Variants in CDC37L1 observed in about 807,000 individuals in gnomAD.
The protein encoded by CDC37L1 is cell division cycle 37 like 1, HSP90 cochaperone.
A neutral mutation model predicts 45.9 loss-of-function variants in CDC37L1; 32 were observed. The observed-to-expected ratio is 0.70, with a 90% CI of 0.53 to 0.94. CDC37L1 has a LOEUF of 0.94. Ranked by LOEUF, CDC37L1 falls within the 40% of genes least tolerant of loss-of-function variation. The pLI, the probability that CDC37L1 is intolerant of heterozygous loss-of-function variation, is 0.00. For missense variants in CDC37L1, 434 were observed against 405.7 expected, an observed-to-expected ratio of 1.07 and a Z score of -0.60; for synonymous variants, 150 against 133.0, an observed-to-expected ratio of 1.13 and a Z score of -0.88.
chr9:4,696,569 T>G (rs1841350063), intron 3 of CDC37L1, among the ~76,000 whole-genome samples: 1 of 152,144 alleles, frequency 6.6e-6, no homozygotes, highest in Non-Finnish European at 1.5e-5. Context: ...AACACTTTGC[T>G]GGTTCCGTGA....
Position 4,679,762 on chromosome 9 carries a change from C to T in CDC37L1, c.-6C>T, listed in dbSNP as rs1841168571. ...AGGGCGGTTGTAGGACCCGGAGCAG[C>T]CGGACATGGAACAACCGTGGCCGCC... On this transcript the variant is annotated 5_prime_UTR_variant, in exon 1 of 7. Transcript: ENST00000381854. 1 of 1,609,772 alleles carries T rather than the reference C, an allele frequency of 6.2e-7. No homozygotes were observed. Among genetic ancestry groups the T allele is most frequent in the African/African-American group, 1.3e-5 (1 of 74,856 alleles).
At position 4,701,096 on chromosome 9, in the gene CDC37L1, T is replaced by TA. The variant is rs1222685686; in HGVS notation, c.748-766dup. On this transcript the variant is annotated intron_variant, in intron 5 of 6. Coordinates refer to ENST00000381854, the MANE Select transcript of CDC37L1 (RefSeq NM_017913.4). ...ATGGTAGTAACTAATCCACAGGTTT[T>TA]AACCTGTTACGCAACCTAAAATCCA... Among the ~76,000 whole-genome samples the TA allele has an allele frequency of 2.0e-5, 3 of 152,260 alleles. No homozygotes were observed. In the East Asian group the frequency reaches 5.8e-4, roughly 29 times the overall value.
chr9:4,688,200 A>G (rs527873939), intron 2 of CDC37L1, among the ~76,000 whole-genome samples: 5 of 152,230 alleles, frequency 3.3e-5, no homozygotes, highest in South Asian at 4.1e-4. Flanking sequence ...GGGTTTCACT[A>G]TGTTGGCCAG....
intron 2 of CDC37L1, among the ~76,000 whole-genome samples, chr9:4,687,144 C>T (rs1349449835): frequency 2.6e-5 from 4 of 151,550 alleles, no homozygotes; most frequent in African/African-American, 7.3e-5. Context: ...TGAGTGCTTC[C>T]TGATTATAAA....
chr9:4,707,376 C>G lies in CDC37L1; in HGVS notation c.*1264C>G, dbSNP rs530651902. On this transcript the variant is annotated 3_prime_UTR_variant, in exon 7 of 7. Transcript: ENST00000381854. ...TGGGTGTAGTCTTTGGCTAAGTACCCATTAAGGCTAGTAGCAAACACTTGG... is the reference window on the plus strand; with the variant it reads ...TGGGTGTAGTCTTTGGCTAAGTACCGATTAAGGCTAGTAGCAAACACTTGG... The G allele has an allele frequency of 6.6e-6, 1 of 152,084 alleles. No individual in the cohort carries two copies. Among genetic ancestry groups the G allele is most frequent in the South Asian group, 2.1e-4 (1 of 4,830 alleles). 9.4% of individuals were successfully genotyped at this position (152,084 alleles called of 1,614,324 possible).
intron 3 of CDC37L1, among the ~76,000 whole-genome samples, chr9:4,693,000 A>G (rs1841315314): frequency 6.6e-6 from 1 of 152,230 alleles, no homozygotes; most frequent in South Asian, 2.1e-4. Flanking sequence ...GTAGAAATGC[A>G]TATGGTGGTA....
In CDC37L1 at chr9:4,679,593, G is replaced by C; in HGVS notation, c.-175G>C. ...TCTTCCGCCGTCCGCCGGTGGCGAG[G>C]CCCAGGCTGTCGCCGGGTGTGCAGC... On this transcript the variant is annotated 5_prime_UTR_variant, in exon 1 of 7. Transcript: ENST00000381854. The C allele has an allele frequency of 1.8e-6, 1 of 561,006 alleles. No individual in the cohort carries two copies. The highest frequency in any genetic ancestry group is 3.1e-6 in the Non-Finnish European group (1 of 321,316). The allele number at this position is 561,006 out of a possible 1,614,324, so 34.8% of individuals were successfully genotyped here.
chr9:4,701,237 G>A (rs1841393212), intron 5 of CDC37L1, among the ~76,000 whole-genome samples: 1 of 152,160 alleles, frequency 6.6e-6, no homozygotes, highest in Admixed American at 6.5e-5. Flanking sequence ...GCTGCCAATA[G>A]GGAGTTGCCT....
At chr9:4,685,652 T>G (rs140042364) in intron 2 of CDC37L1, among the ~76,000 whole-genome samples, 2 of 152,294 alleles carry the variant, frequency 1.3e-5, no homozygotes, top group African/African-American at 4.8e-5. Context: ...GATTGAGAGA[T>G]AAGATAAAGA....
intron 6 of CDC37L1, 148 bp downstream of exon 6, chr9:4,702,176 C>G: frequency 2.2e-6 from 1 of 453,166 alleles, no homozygotes; most frequent in African/African-American, 2.1e-5. Flanking sequence ...TACTTCATGC[C>G]ATGTTTTGGT....
chr9:4,689,323 CT>C (rs78778632), intron 3 of CDC37L1, among the ~76,000 whole-genome samples: 728 of 144,068 alleles, frequency 5.1e-3, no homozygotes, highest in South Asian at 0.016. Flanking sequence ...AGGTTTAAAA[CT>C]TTTTTTTTTT....
chr9:4,704,759 G>T (rs773557509), intron 6 of CDC37L1, among the ~76,000 whole-genome samples: 5 of 152,026 alleles, frequency 3.3e-5, no homozygotes, highest in African/African-American at 1.2e-4. Context: ...GACAGCAATC[G>T]TGTGAAATAA....
chr9:4,696,816 T>C (rs1841352008), intron 3 of CDC37L1, among the ~76,000 whole-genome samples: 1 of 152,266 alleles, frequency 6.6e-6, no homozygotes, highest in South Asian at 2.1e-4. Context: ...TAGGACTTTT[T>C]AATATTGAAC....
In CDC37L1 at chr9:4,701,225, C is replaced by G. The variant is rs556885256; in HGVS notation, c.748-639C>G. Among the ~76,000 whole-genome samples the G allele has an allele frequency of 7.1e-4, 108 of 152,320 alleles. 1 individual carries two copies. The highest frequency in any genetic ancestry group is 2.6e-3 in the African/African-American group (106 of 41,568). On this transcript the variant is annotated intron_variant, in intron 5 of 6. Transcript: ENST00000381854. ...TATTCAGAGGAAACATAAACAGAGG[C>G]AGCTGCCAATAGGGAGTTGCCTAAG...
At chr9:4,704,465 T>C (rs1375185184) in intron 6 of CDC37L1, among the ~76,000 whole-genome samples, 2 of 152,204 alleles carry the variant, frequency 1.3e-5, no homozygotes, top group Non-Finnish European at 2.9e-5. Context: ...TTTTAAAGTC[T>C]CTGTATGATA....
chr9:4,702,684 A>G (rs946573141), intron 6 of CDC37L1, among the ~76,000 whole-genome samples: 5 of 151,770 alleles, frequency 3.3e-5, no homozygotes, highest in Non-Finnish European at 7.4e-5. Context: ...GATCGAGACC[A>G]TCCTGGCTAA....
chr9:4,705,735 G>T (rs1200767332), intron 6 of CDC37L1, among the ~76,000 whole-genome samples: 1 of 152,124 alleles, frequency 6.6e-6, no homozygotes, highest in African/African-American at 2.4e-5. Flanking sequence ...TGCCTTGTAT[G>T]ATTAAACAGA....
chr9:4,707,946 G>A lies in CDC37L1; in HGVS notation c.*1834G>A, dbSNP rs1366600861. The A allele has an allele frequency of 6.6e-6, 1 of 152,188 alleles. No individual in the cohort carries two copies. The highest frequency in any genetic ancestry group is 2.4e-5 in the African/African-American group (1 of 41,444). The allele number at this position is 152,188 out of a possible 1,614,324, so 9.4% of individuals were successfully genotyped here. ...AGAGGTATTTAATGACTGAAGACTG[G>A]CAGGAGAGAAAGTATCAACAAACTG... On this transcript the variant is annotated 3_prime_UTR_variant, in exon 7 of 7. Coordinates refer to ENST00000381854, the MANE Select transcript of CDC37L1 (RefSeq NM_017913.4).
intron 1 of CDC37L1, among the ~76,000 whole-genome samples, chr9:4,680,832 C>T (rs1414470376): frequency 6.6e-6 from 1 of 152,200 alleles, no homozygotes; most frequent in Admixed American, 6.5e-5. Context: ...TAGTTTTCCT[C>T]TCAACTTATT....
Sources: gnomAD v4.1 joint callset for allele counts (sites outside exome capture counted in the v4.1 genomes callset) on GRCh38, gnomAD v4.1.1 for gene constraint, MANE v1.5 for transcripts, NCBI Gene and HGNC (gene_info 2026-07-23, HGNC 2026-07-21) for gene names.